The following ADAMTSL1 variants were observed in gnomAD, a reference collection of about 807,000 sequenced individuals.
The protein encoded by ADAMTSL1 is ADAMTS-like protein 1.
Under a neutral mutation model 201.8 loss-of-function variants are expected in ADAMTSL1, and 126 were observed. The ratio of observed to expected loss-of-function variants is 0.62; its 90% CI spans 0.54 to 0.72. The LOEUF (loss-of-function observed/expected upper bound fraction) is 0.72. Among genes scored for constraint, ADAMTSL1 ranks in the 30% least tolerant of loss-of-function variants. The pLI is 0.00. For missense variants in ADAMTSL1, 2,679 were observed against 2,277.8 expected (o/e 1.18, Z -3.59); for synonymous variants, 1,121 against 903.4 (o/e 1.24, Z -4.32).
At chr9:17,945,424 T>C (rs1178693701) in intron 1 of ADAMTSL1, among the ~76,000 whole-genome samples, 1 of 143,934 alleles carries the variant, frequency 6.9e-6, no homozygotes, top group African/African-American at 2.6e-5. Flanking sequence ...CTCAGGGATC[T>C]AGAACTAGAA....
At chr9:17,969,627 A>C (rs1224519278) in intron 1 of ADAMTSL1, among the ~76,000 whole-genome samples, 2 of 152,066 alleles carry the variant, frequency 1.3e-5, no homozygotes, top group Non-Finnish European at 2.9e-5. Flanking sequence ...ATGAGATCTG[A>C]AGAAATATTT....
At chr9:18,452,989 A>C (rs920452516) in intron 2 of ADAMTSL1, among the ~76,000 whole-genome samples, 1 of 152,138 alleles carries the variant, frequency 6.6e-6, no homozygotes, top group East Asian at 1.9e-4. Flanking sequence ...TCATAGTAGG[A>C]GCTCTCCGCA....
At chr9:17,908,278 A>T (rs931157183) in intron 1 of ADAMTSL1, among the ~76,000 whole-genome samples, 1 of 152,202 alleles carries the variant, frequency 6.6e-6, no homozygotes, top group African/African-American at 2.4e-5. Flanking sequence ...ATGGCTGCAC[A>T]GTAGAATTAC....
At chr9:17,920,176 C>G (rs1257055789) in intron 1 of ADAMTSL1, among the ~76,000 whole-genome samples, 1 of 152,140 alleles carries the variant, frequency 6.6e-6, no homozygotes, top group Non-Finnish European at 1.5e-5. Flanking sequence ...CTCTTTTCCT[C>G]CAGTGCTACT....
chr9:17,924,506 A>G (rs1034936073), intron 1 of ADAMTSL1, among the ~76,000 whole-genome samples: 1 of 150,296 alleles, frequency 6.7e-6, no homozygotes, highest in African/African-American at 2.4e-5. Context: ...CAAAACAGAG[A>G]TATAGATCAA....
At position 17,915,208 on chromosome 9, in the gene ADAMTSL1, G is replaced by A. The variant is rs541323568; in HGVS notation, c.87+8286G>A. ...CTGTCCTTGAGTCCAGCATCATCAG[G>A]CAAATAATGATCACCAGACAAACAT... On this transcript the variant is annotated intron_variant, in intron 1 of 29. Coordinates refer to the ADAMTSL1 transcript ENST00000680146. Among the ~76,000 whole-genome samples, 3 of 152,156 alleles carry A rather than the reference G, an allele frequency of 2.0e-5. No individual in the cohort carries two copies. The South Asian group carries it at 6.2e-4, about 32-fold the overall frequency.
Position 18,404,126 on chromosome 9 carries a change from A to T in ADAMTSL1, c.208-100703A>T, listed in dbSNP as rs1164325694. Among the ~76,000 whole-genome samples, 6 of 152,332 alleles carry T rather than the reference A, an allele frequency of 3.9e-5. No homozygotes were observed. The East Asian group carries it at 5.8e-4, about 15-fold the overall frequency. On this transcript the variant is annotated intron_variant, in intron 2 of 29. Transcript: ENST00000680146. The stretch of plus-strand genomic sequence containing the variant: ...TCTCTCATAGAAACTTCTCTCACAA[A>T]TAGAATTCTATCTCATCACATTCTA...
intron 2 of ADAMTSL1, among the ~76,000 whole-genome samples, chr9:18,520,085 T>C (rs1328655446): frequency 6.6e-6 from 1 of 152,208 alleles, no homozygotes; most frequent in Non-Finnish European, 1.5e-5. Context: ...ACAGTCATAA[T>C]AGCAAAAAGC....
intron 1 of ADAMTSL1, among the ~76,000 whole-genome samples, chr9:17,913,458 A>G (rs998251644): frequency 6.6e-6 from 1 of 152,168 alleles, no homozygotes; most frequent in African/African-American, 2.4e-5. Flanking sequence ...CCTTGAAGCA[A>G]TTGTGAATGG....
chr9:18,074,585 T>C (rs1345054091), intron 1 of ADAMTSL1, among the ~76,000 whole-genome samples: 1 of 151,488 alleles, frequency 6.6e-6, no homozygotes, highest in Admixed American at 6.6e-5. Context: ...CTTTCTTTTT[T>C]TGTTGTTGTT....
At chr9:18,703,815 C>G (rs1564164513) in intron 13 of ADAMTSL1, among the ~76,000 whole-genome samples, 2 of 148,400 alleles carry the variant, frequency 1.3e-5, no homozygotes, top group Non-Finnish European at 3.0e-5. Flanking sequence ...AATGGCCTTT[C>G]TATTTTATGT....
At chr9:18,084,628 G>A (rs1409902193) in intron 1 of ADAMTSL1, among the ~76,000 whole-genome samples, 4 of 151,784 alleles carry the variant, frequency 2.6e-5, no homozygotes, top group Non-Finnish European at 5.9e-5. Context: ...GAAGAAAATC[G>A]ATCAGTTACA....
chr9:18,000,186 T>C (rs1819555137), intron 1 of ADAMTSL1, among the ~76,000 whole-genome samples: 4 of 150,966 alleles, frequency 2.6e-5, no homozygotes, highest in African/African-American at 7.3e-5. Flanking sequence ...CCACACTGAC[T>C]TCCACAATGG....
intron 1 of ADAMTSL1, among the ~76,000 whole-genome samples, chr9:18,489,713 TTAAG>T (rs1822174988): frequency 6.6e-6 from 1 of 152,192 alleles, no homozygotes; most frequent in South Asian, 2.1e-4. Context: ...TTGTGTGAGA[TTAAG>T]TATTTGGTCA....
At chr9:17,976,884 G>A (rs1041110210) in intron 1 of ADAMTSL1, among the ~76,000 whole-genome samples, 12 of 151,836 alleles carry the variant, frequency 7.9e-5, no homozygotes, top group Non-Finnish European at 1.8e-4. Context: ...GAATATAAAT[G>A]GCAAGAATAG....
At chr9:18,499,860 A>G (rs938965027) in intron 1 of ADAMTSL1, among the ~76,000 whole-genome samples, 1 of 152,094 alleles carries the variant, frequency 6.6e-6, no homozygotes, top group Admixed American at 6.5e-5. Flanking sequence ...ACAAAAAACT[A>G]TCAAGCATTT....
intron 19 of ADAMTSL1, among the ~76,000 whole-genome samples, chr9:18,778,895 G>C (rs1821220069): frequency 6.6e-6 from 1 of 152,216 alleles, no homozygotes; most frequent in Non-Finnish European, 1.5e-5. Context: ...CTCTAGTCTA[G>C]ATTCCTCATT....
At chr9:18,749,413 T>C (rs1380344113) in intron 15 of ADAMTSL1, among the ~76,000 whole-genome samples, 2 of 151,954 alleles carry the variant, frequency 1.3e-5, no homozygotes, top group Non-Finnish European at 2.9e-5. Flanking sequence ...AAGGAAAAGA[T>C]GAATAAAAGC....
intron 1 of ADAMTSL1, among the ~76,000 whole-genome samples, chr9:18,137,589 C>G (rs1270935003): frequency 6.6e-6 from 1 of 152,094 alleles, no homozygotes; most frequent in Non-Finnish European, 1.5e-5. Context: ...CTTTATGGCT[C>G]TGCAATAGAC....
Sources: allele counts gnomAD v4.1 joint callset (sites outside exome capture counted in the v4.1 genomes callset), GRCh38; gene constraint gnomAD v4.1.1; transcripts MANE v1.5; gene names NCBI Gene and HGNC (gene_info 2026-07-23, HGNC 2026-07-21).